CNTNAP2: variants seen among roughly 807,000 people sequenced by gnomAD.
The protein encoded by CNTNAP2 is contactin associated protein 2.
In CNTNAP2, 98 loss-of-function variants were observed where a neutral mutation model predicts 155.2. The ratio of observed to expected loss-of-function variants is 0.63; its 90% confidence interval spans 0.54 to 0.75. CNTNAP2 has a LOEUF of 0.75. Ranked by LOEUF, CNTNAP2 falls within the 30% of genes least tolerant of loss-of-function variation. CNTNAP2 has a pLI of 0.00. For missense variants in CNTNAP2, 1,727 were observed against 1,688.1 expected (o/e 1.02, Z -0.40); for synonymous variants, 651 against 631.2 (o/e 1.03, Z -0.47).
intron 13 of CNTNAP2, among the ~76,000 whole-genome samples, chr7:147,646,180 AG>A (rs34286248): frequency 1.3e-5 from 2 of 152,166 alleles, no homozygotes; most frequent in Non-Finnish European, 2.9e-5. Flanking sequence ...TGGAATCAAC[AG>A]GAGTTGTGAT....
intron 1 of CNTNAP2, among the ~76,000 whole-genome samples, chr7:146,461,563 A>C (rs1446665999): frequency 6.6e-6 from 1 of 152,258 alleles, no homozygotes; most frequent in Non-Finnish European, 1.5e-5. Flanking sequence ...ATTCTCACAG[A>C]AAAATTATCT....
At chr7:147,700,280 G>A (rs1796216743) in intron 13 of CNTNAP2, among the ~76,000 whole-genome samples, 1 of 152,100 alleles carries the variant, frequency 6.6e-6, no homozygotes, top group South Asian at 2.1e-4. Flanking sequence ...AAATTACCCA[G>A]GGTTAAGTAT....
At chr7:146,885,098 C>G (rs1272127702) in intron 3 of CNTNAP2, among the ~76,000 whole-genome samples, 1 of 152,064 alleles carries the variant, frequency 6.6e-6, no homozygotes, top group African/African-American at 2.4e-5. Context: ...GTTATGTTAA[C>G]TACTTATGTT....
rs562135768 is a variant in CNTNAP2 at position 147,425,087 on chromosome 7, T to C, written c.1670+29307T>C. ...GAGTGATACATTTCAATGAGATGTT[T>C]TCATCCCCATCCCATTCAATGTAAA... is the stretch of plus-strand genomic sequence containing the variant. On this transcript the variant is annotated intron_variant, in intron 10 of 23. Coordinates refer to ENST00000361727, the MANE Select transcript of CNTNAP2 (RefSeq NM_014141.6). Among the ~76,000 whole-genome samples the C allele has an allele frequency of 7.2e-5, 11 of 152,268 alleles. No homozygotes were observed. The South Asian group carries it at 2.3e-3, about 32-fold the overall frequency.
At chr7:148,070,905 T>C (rs2116529363) in intron 15 of CNTNAP2, among the ~76,000 whole-genome samples, 1 of 152,306 alleles carries the variant, frequency 6.6e-6, no homozygotes, top group Admixed American at 6.5e-5. Flanking sequence ...TAGAAGGTAT[T>C]GTTACTAACC....
chr7:146,572,249 C>T (rs1242731466), intron 1 of CNTNAP2, among the ~76,000 whole-genome samples: 1 of 138,148 alleles, frequency 7.2e-6, no homozygotes, highest in Non-Finnish European at 1.5e-5. Flanking sequence ...TCTGTTTTCT[C>T]TATATTTCTG....
At chr7:147,605,487 G>A (rs1161118696) in intron 12 of CNTNAP2, among the ~76,000 whole-genome samples, 1 of 152,084 alleles carries the variant, frequency 6.6e-6, no homozygotes, top group African/African-American at 2.4e-5. Flanking sequence ...TCGAGCAAAG[G>A]TTACCTTGTC....
intron 1 of CNTNAP2, among the ~76,000 whole-genome samples, chr7:146,240,765 T>C (rs944066399): frequency 6.6e-6 from 1 of 152,200 alleles, no homozygotes; most frequent in African/African-American, 2.4e-5. Context: ...TGTTTGCTAT[T>C]TGCATAGGGC....
chr7:147,053,732 T>A (rs1261478040), intron 4 of CNTNAP2, among the ~76,000 whole-genome samples: 2 of 152,120 alleles, frequency 1.3e-5, no homozygotes, highest in Non-Finnish European at 2.9e-5. Flanking sequence ...GTCCAAAATT[T>A]TTCATAAAAT....
chr7:146,485,837 C>G (rs1023383087), intron 1 of CNTNAP2, among the ~76,000 whole-genome samples: 1 of 151,996 alleles, frequency 6.6e-6, no homozygotes, highest in African/African-American at 2.4e-5. Context: ...AACAAACCTG[C>G]ACACGTACCC....
chr7:146,342,756 C>CT (rs1794750653), intron 1 of CNTNAP2, among the ~76,000 whole-genome samples: 2 of 152,160 alleles, frequency 1.3e-5, no homozygotes, highest in Non-Finnish European at 2.9e-5. Flanking sequence ...TCCCATTTAT[C>CT]TGTCTGTCAA....
intron 13 of CNTNAP2, among the ~76,000 whole-genome samples, chr7:147,809,628 C>T (rs923693330): frequency 2.3e-4 from 35 of 152,272 alleles, no homozygotes; most frequent in Middle Eastern, 3.4e-3. Flanking sequence ...TTTTCTGCGT[C>T]ATTATTTTTC....
chr7:146,847,059 A>AT lies in CNTNAP2; in HGVS notation c.402+7163dup, dbSNP rs991983540. On this transcript the variant is annotated intron_variant, in intron 3 of 23. Transcript: ENST00000361727. ...TTTTTTTACATTGAACTCAATGCTA[A>AT]TTTTTTTTATCGTGTCAAGGTTGGA... Among the ~76,000 whole-genome samples, 4 of 151,986 alleles carry AT rather than the reference A, an allele frequency of 2.6e-5. No homozygotes were observed. The East Asian group carries it at 7.7e-4, about 29-fold the overall frequency.
At chr7:146,668,442 GT>G (rs769487279) in intron 1 of CNTNAP2, among the ~76,000 whole-genome samples, 1,576 of 83,178 alleles carry the variant, frequency 0.019, 15 homozygotes, top group Non-Finnish European at 0.037. Context: ...GTGTGTGTGT[GT>G]GTGTGTGTGT....
At chr7:146,435,572 T>A (rs1796231846) in intron 1 of CNTNAP2, among the ~76,000 whole-genome samples, 1 of 152,202 alleles carries the variant, frequency 6.6e-6, no homozygotes, top group Non-Finnish European at 1.5e-5. Flanking sequence ...AAATCTCAGT[T>A]CCTTGTACAT....
intron 3 of CNTNAP2, among the ~76,000 whole-genome samples, chr7:146,865,308 A>T (rs933387635): frequency 6.6e-6 from 1 of 152,132 alleles, no homozygotes; most frequent in African/African-American, 2.4e-5. Context: ...TTTTAAATTT[A>T]CAAGGTGATT....
chr7:146,477,622 CAA>C (rs1440283664), intron 1 of CNTNAP2, among the ~76,000 whole-genome samples: 2 of 116,254 alleles, frequency 1.7e-5, no homozygotes, highest in Non-Finnish European at 3.4e-5. Flanking sequence ...TCTTCTTCAG[CAA>C]ACACACACAC....
At chr7:148,009,863 A>G (rs1802046014) in intron 15 of CNTNAP2, among the ~76,000 whole-genome samples, 1 of 152,080 alleles carries the variant, frequency 6.6e-6, no homozygotes, top group Non-Finnish European at 1.5e-5. Context: ...TTGAAAATAT[A>G]TATTGCTTTC....
intron 16 of CNTNAP2, among the ~76,000 whole-genome samples, chr7:148,129,614 C>CA: frequency 6.6e-6 from 1 of 152,240 alleles, no homozygotes; most frequent in African/African-American, 2.4e-5. Context: ...TCTTGAATGA[C>CA]AAAAAAGTTA....
Sources: gnomAD v4.1 joint callset for allele counts (sites outside exome capture counted in the v4.1 genomes callset) on GRCh38, gnomAD v4.1.1 for gene constraint, MANE v1.5 for transcripts, NCBI Gene and HGNC (gene_info 2026-07-23, HGNC 2026-07-21) for gene names.